The following OAS3 variants were observed in gnomAD, a reference collection of about 807,000 sequenced individuals.
OAS3 encodes 2'-5'-oligoadenylate synthetase 3, also known as 2'-5'-oligoadenylate synthase 3.
A neutral mutation model predicts 113.0 loss-of-function variants in OAS3; 107 were observed. The ratio of observed to expected loss-of-function variants is 0.95; its 90% CI spans 0.81 to 1.11. The LOEUF (loss-of-function observed/expected upper bound fraction) is 1.11. Ranked by LOEUF, OAS3 falls within the 50% of genes most tolerant of loss-of-function variation. OAS3 has a pLI of 0.00. For synonymous variants in OAS3, 552 were observed against 573.6 expected, an observed-to-expected ratio of 0.96 and a Z score of 0.54; for missense variants, 1,258 against 1,389.1, an observed-to-expected ratio of 0.91 and a Z score of 1.50.
Position 112,962,904 on chromosome 12 carries a change from T to G in OAS3, c.2084+2T>G. 6.2e-7 allele frequency: 1 copy of G among 1,612,984 alleles called. No individual in the cohort carries two copies. The highest frequency in any genetic ancestry group is 8.5e-7 in the Non-Finnish European group (1 of 1,179,114). Reference sequence around the variant, plus strand: ...TCTTGGCCAGCTTCGAAAACCCAGGTGAAGACCCGCTTCCCTTTGCCTGGC... The same window carrying G: ...TCTTGGCCAGCTTCGAAAACCCAGGGGAAGACCCGCTTCCCTTTGCCTGGC... On this transcript the variant is annotated splice_donor_variant, in intron 9 of 15. Coordinates refer to ENST00000228928, the MANE Select transcript of OAS3 (RefSeq NM_006187.4). LOFTEE classifies it high-confidence loss of function.
In OAS3 at chr12:112,941,602, G is replaced by C; in HGVS notation, c.210G>C (p.Lys70Asn). 6.2e-7 allele frequency: 1 copy of C among 1,613,942 alleles called. No individual in the cohort carries two copies. The highest frequency in any genetic ancestry group is 8.5e-7 in the Non-Finnish European group (1 of 1,179,834). Reference protein sequence around the residue: ...GGSSGRGTALKGGCDSELVIF... With the variant: ...GGSSGRGTALNGGCDSELVIF... Reference sequence around the variant, plus strand: ...CCTCGGGCCGGGGCACAGCTCTCAAGGGTGGCTGTGATTCTGAACTTGTCA... The same window carrying C: ...CCTCGGGCCGGGGCACAGCTCTCAACGGTGGCTGTGATTCTGAACTTGTCA... The change falls in exon 2 of 16, where the codon AAG (lysine) becomes AAC (asparagine). Residue 70 changes from lysine (K) to asparagine (N), a missense_variant. Transcript: ENST00000228928.
intron 6 of OAS3, among the ~76,000 whole-genome samples, chr12:112,950,015 G>A (rs555198875): frequency 9.9e-5 from 15 of 152,174 alleles, no homozygotes; most frequent in African/African-American, 2.4e-4. Flanking sequence ...GTGAAACTCC[G>A]TCTCAAAAAT....
chr12:112,960,188 G>A (rs755027560), intron 7 of OAS3, among the ~76,000 whole-genome samples: 5 of 152,072 alleles, frequency 3.3e-5, no homozygotes, highest in African/African-American at 4.8e-5. Flanking sequence ...TTTCTACCTG[G>A]ACTCCAAGAG....
At chr12:112,962,493 G>C (rs2043895962) in intron 8 of OAS3, among the ~76,000 whole-genome samples, 159 bp from the exon 9 acceptor site, 1 of 152,156 alleles carries the variant, frequency 6.6e-6, no homozygotes, top group African/African-American at 2.4e-5. Flanking sequence ...ACCCTCCTCT[G>C]AACCTCAGTT....
At chr12:112,948,813 C>A in intron 5 of OAS3, 48 bp from the exon 6 acceptor site, 1 of 1,438,236 alleles carries the variant, frequency 7.0e-7, no homozygotes, top group Non-Finnish European at 9.4e-7. Context: ...TGGGTTGATG[C>A]AGAAACCACT....
chr12:112,944,350 C>A, intron 2 of OAS3, 126 bp from the exon 3 acceptor site: 1 of 977,076 alleles, frequency 1.0e-6, no homozygotes, highest in Non-Finnish European at 1.6e-6. Context: ...CCCATGTTAC[C>A]AGATTTCTTC....
intron 2 of OAS3, 137 bp downstream of exon 2, chr12:112,941,989 G>A (rs1309754328): frequency 3.8e-6 from 4 of 1,048,086 alleles, no homozygotes; most frequent in Non-Finnish European, 2.9e-6. Flanking sequence ...CCTCAGTCTG[G>A]GGACTAAACA....
intron 7 of OAS3, among the ~76,000 whole-genome samples, chr12:112,951,872 C>A (rs2043796766): frequency 6.8e-6 from 1 of 147,154 alleles, no homozygotes; most frequent in African/African-American, 2.5e-5. Flanking sequence ...AATAGCCTGG[C>A]ATGGTGGCAC....
Position 112,949,091 on chromosome 12 carries a change from C to T in OAS3, c.1260C>T (p.Ile420=), listed in dbSNP as rs1181534529. ...CCACCAAGGAGCTGGACCGCTTCAT[C>T]CAGGACCACCTGAAGCCGAGCCCCC... The part of the protein sequence containing the change: ...QIPTKELDRF[I]QDHLKPSPQF... Residue 420 remains isoleucine (I), a synonymous_variant, in exon 6 of 16, where the codon ATC becomes ATT. Transcript: ENST00000228928. The T allele has an allele frequency of 5.0e-6, 8 of 1,613,906 alleles. No homozygotes were observed. Among genetic ancestry groups the T allele is most frequent in the Non-Finnish European group, 6.8e-6 (8 of 1,179,908 alleles).
In OAS3 at chr12:112,963,328, C is replaced by T. The variant is rs760917543; in HGVS notation, c.2100C>T (p.Asp700=). Residue 700 remains aspartate (D), a synonymous_variant, in exon 10 of 16, where the codon GAC becomes GAT. Transcript: ENST00000228928. The surrounding 1 kb of genome is among the most constrained non-coding windows in gnomAD (Gnocchi z 4.6). ...QLRKPRPLVL[D]PADPTWNVGH... is the part of the protein sequence containing the mutation. Reference sequence around the variant, plus strand: ...GTGCCCCCAGACCCCTGGTCCTGGACCCCGCTGATCCCACCTGGAACGTGG... The same window carrying T: ...GTGCCCCCAGACCCCTGGTCCTGGATCCCGCTGATCCCACCTGGAACGTGG... The T allele has an allele frequency of 4.4e-6, 7 of 1,574,802 alleles. No individual in the cohort carries two copies. In the South Asian group the frequency reaches 5.9e-5, roughly 13 times the overall value.
chr12:112,947,586 T>G (rs933224900), intron 4 of OAS3, among the ~76,000 whole-genome samples: 1 of 152,248 alleles, frequency 6.6e-6, no homozygotes, highest in Admixed American at 6.5e-5. Flanking sequence ...TTCTTTCAAC[T>G]TGGAACTATT....
chr12:112,956,385 A>C (rs2043836474), intron 7 of OAS3, among the ~76,000 whole-genome samples: 1 of 151,844 alleles, frequency 6.6e-6, no homozygotes, highest in South Asian at 2.1e-4. Context: ...CTAGCTTTTG[A>C]ATGTGTTTGC....
At chr12:112,952,420 C>A (rs926765155) in intron 7 of OAS3, among the ~76,000 whole-genome samples, 1 of 152,106 alleles carries the variant, frequency 6.6e-6, no homozygotes, top group Non-Finnish European at 1.5e-5. Flanking sequence ...TTACAGGCAG[C>A]ACAAAGCTAA....
At chr12:112,957,511 G>C (rs1490617685) in intron 7 of OAS3, among the ~76,000 whole-genome samples, 3 of 152,182 alleles carry the variant, frequency 2.0e-5, no homozygotes, top group Non-Finnish European at 2.9e-5. Flanking sequence ...TCCTTCAGGA[G>C]CTCTTGTAAG....
chr12:112,969,986 C>A lies in OAS3; in HGVS notation c.*13C>A. 6.2e-7 allele frequency: 1 copy of A among 1,606,794 alleles called. No individual in the cohort carries two copies. The highest frequency in any genetic ancestry group is 1.3e-5 in the African/African-American group (1 of 74,942). On this transcript the variant is annotated 3_prime_UTR_variant, in exon 16 of 16. Transcript: ENST00000228928. ...GGCTGCTGTGTGAAGTTGAGAAAAT[C>A]AGCGGTCCTACTGGATGAAGAGAAG...
At chr12:112,966,178 T>G in intron 12 of OAS3, 149 bp downstream of exon 12, 1 of 872,442 alleles carries the variant, frequency 1.1e-6, no homozygotes, top group Non-Finnish European at 1.7e-6. Context: ...ACAACTTTCC[T>G]GCAAAGTATC....
intron 11 of OAS3, 85 bp downstream of exon 11, chr12:112,964,493 G>A (rs574139681): frequency 5.3e-5 from 74 of 1,393,916 alleles, no homozygotes; most frequent in African/African-American, 7.2e-5. Flanking sequence ...ACCCACTTCC[G>A]CCCTCGTAGC....
At chr12:112,956,295 A>G (rs1366160734) in intron 7 of OAS3, among the ~76,000 whole-genome samples, 1 of 151,966 alleles carries the variant, frequency 6.6e-6, no homozygotes, top group Non-Finnish European at 1.5e-5. Flanking sequence ...CAGCTCTCGG[A>G]TTCATTGATT....
At chr12:112,957,436 G>T (rs2043845432) in intron 7 of OAS3, among the ~76,000 whole-genome samples, 1 of 152,182 alleles carries the variant, frequency 6.6e-6, no homozygotes, top group Non-Finnish European at 1.5e-5. Flanking sequence ...AGCATCGATG[G>T]TCTTTACAAT....
Sources: gnomAD v4.1 joint callset for allele counts (sites outside exome capture counted in the v4.1 genomes callset) on GRCh38, gnomAD v4.1.1 for gene constraint, Gnocchi (gnomAD v3.1) non-coding constraint, MANE v1.5 for transcripts, NCBI Gene and HGNC (gene_info 2026-07-23, HGNC 2026-07-21) for gene names.